Variants in DRC8 observed in about 807,000 individuals in gnomAD.
DRC8 encodes the protein dynein regulatory complex protein 8.
chr1:244,985,107 A>T, the DRC8 span, among the ~76,000 whole-genome samples: 3 of 126,242 alleles, frequency 2.4e-5, no homozygotes, highest in Admixed American at 8.3e-5. Flanking sequence ...TTCTGATTAC[A>T]TGTGTGGTAT....
At chr1:244,989,388 A>G in the DRC8 span, among the ~76,000 whole-genome samples, 5 of 152,034 alleles carry the variant, frequency 3.3e-5, no homozygotes, top group Admixed American at 2.0e-4. Flanking sequence ...ATCGTTTCTC[A>G]GGTTTTCCTT....
the DRC8 span, among the ~76,000 whole-genome samples, chr1:245,085,683 A>G: frequency 6.6e-6 from 1 of 152,130 alleles, no homozygotes; most frequent in Non-Finnish European, 1.5e-5. Context: ...GATGACTCAC[A>G]TGGTGTGTGA....
the DRC8 span, among the ~76,000 whole-genome samples, chr1:245,096,357 G>A: frequency 1.4e-4 from 22 of 152,256 alleles, no homozygotes; most frequent in African/African-American, 5.1e-4. Flanking sequence ...GGGACGAGGG[G>A]CCAACTGGCC....
chr1:245,022,686 AAT>A, the DRC8 span, among the ~76,000 whole-genome samples: 1 of 152,064 alleles, frequency 6.6e-6, no homozygotes, highest in Non-Finnish European at 1.5e-5. Context: ...TCTCCATGCA[AAT>A]ATGTATGAGT....
At chr1:245,059,584 A>G in the DRC8 span, 18 of 669,436 alleles carry the variant, frequency 2.7e-5, no homozygotes, top group East Asian at 5.1e-4. Context: ...CTCAGTGGAA[A>G]TATTAGGATA....
At chr1:245,008,698 G>A in the DRC8 span, among the ~76,000 whole-genome samples, 1 of 136,324 alleles carries the variant, frequency 7.3e-6, no homozygotes. Context: ...TAAATTTTCA[G>A]AGCAAGATCC....
chr1:245,002,593 C>T, the DRC8 span, among the ~76,000 whole-genome samples: 4 of 150,458 alleles, frequency 2.7e-5, no homozygotes, highest in African/African-American at 9.8e-5. Flanking sequence ...GGTGTGATCT[C>T]GGCTCACTTT....
the DRC8 span, among the ~76,000 whole-genome samples, chr1:245,006,328 T>C: frequency 4.2e-5 from 6 of 142,838 alleles, no homozygotes; most frequent in Admixed American, 1.4e-4. Context: ...TTATTTATTT[T>C]TGAGACAGAG....
At chr1:244,979,528 A>G in the DRC8 span, among the ~76,000 whole-genome samples, 1 of 151,328 alleles carries the variant, frequency 6.6e-6, no homozygotes, top group Non-Finnish European at 1.5e-5. Context: ...CTGGTCTCGA[A>G]CTCCTGACCT....
the DRC8 span, among the ~76,000 whole-genome samples, chr1:244,995,360 TC>T: frequency 8.2e-5 from 12 of 147,222 alleles, no homozygotes; most frequent in Middle Eastern, 3.4e-3. Context: ...AGACTCCATC[TC>T]AAAAAAAAAA....
chr1:244,970,448 G>C, the DRC8 span: 3 of 1,528,908 alleles, frequency 2.0e-6, no homozygotes, highest in African/African-American at 4.2e-5. Context: ...GGGAAGGTAA[G>C]GTAGGGGAGC....
At chr1:245,008,796 G>C in the DRC8 span, among the ~76,000 whole-genome samples, 1 of 151,486 alleles carries the variant, frequency 6.6e-6, no homozygotes, top group Non-Finnish European at 1.5e-5. Flanking sequence ...AGCCTCCCGA[G>C]TAGTTGGGAC....
the DRC8 span, among the ~76,000 whole-genome samples, chr1:244,983,159 A>G: frequency 6.6e-6 from 1 of 152,132 alleles, no homozygotes; most frequent in Non-Finnish European, 1.5e-5. Context: ...GGAAATTTGC[A>G]TTTCTAACAA....
the DRC8 span, among the ~76,000 whole-genome samples, chr1:245,094,583 C>T: frequency 6.6e-6 from 1 of 152,170 alleles, no homozygotes; most frequent in African/African-American, 2.4e-5. Flanking sequence ...TGAGATTTAA[C>T]TCTAACACAG....
At chr1:245,102,796 AC>A in the DRC8 span, among the ~76,000 whole-genome samples, 1 of 152,238 alleles carries the variant, frequency 6.6e-6, no homozygotes, top group African/African-American at 2.4e-5. Context: ...GCAAAGCTTC[AC>A]ACATCCAATC....
At chr1:245,082,190 C>G in the DRC8 span, 2 of 1,550,100 alleles carry the variant, frequency 1.3e-6, no homozygotes, top group Non-Finnish European at 1.8e-6. Flanking sequence ...ATTGTTAAGG[C>G]AAAGTAATGG....
the DRC8 span, among the ~76,000 whole-genome samples, chr1:244,979,730 C>T: frequency 3.3e-5 from 5 of 151,906 alleles, no homozygotes; most frequent in East Asian, 2.0e-4. Context: ...GTGTGAGCCA[C>T]GACTCCCAGC....
chr1:245,092,278 A>G, the DRC8 span, among the ~76,000 whole-genome samples: 5,343 of 152,312 alleles, frequency 0.035, 302 homozygotes, highest in African/African-American at 0.12. Flanking sequence ...CCAAGATAGC[A>G]GGCTAGTTGG....
At chr1:244,992,222 A>G in the DRC8 span, among the ~76,000 whole-genome samples, 1 of 152,224 alleles carries the variant, frequency 6.6e-6, no homozygotes, top group Admixed American at 6.5e-5. Context: ...TCTAAAGCTA[A>G]ATTGGGCCAC....
Sources: allele counts gnomAD v4.1 joint callset (sites outside exome capture counted in the v4.1 genomes callset), GRCh38; gene constraint gnomAD v4.1.1; transcripts MANE v1.5; gene names NCBI Gene and HGNC (gene_info 2026-07-23, HGNC 2026-07-21).